CNTN4: variants seen among roughly 807,000 people sequenced by gnomAD.
CNTN4 encodes contactin 4, also known as contactin-4.
CNTN4 carries 77 observed loss-of-function variants against 122.5 expected under a neutral mutation model. The observed-to-expected ratio is 0.63, with a 90% confidence interval of 0.52 to 0.76. The LOEUF (loss-of-function observed/expected upper bound fraction) is 0.76, where lower values mean the gene tolerates loss of function less well. Among genes scored for constraint, CNTN4 ranks in the 30% least tolerant of loss-of-function variants. The pLI, the probability that CNTN4 is intolerant of heterozygous loss-of-function variation, is 0.00. For missense variants in CNTN4, 1,256 were observed against 1,259.1 expected, an observed-to-expected ratio of 1.00 and a Z score of 0.04; for synonymous variants, 512 against 447.0, an observed-to-expected ratio of 1.15 and a Z score of -1.83.
intron 4 of CNTN4, among the ~76,000 whole-genome samples, chr3:2,719,542 C>A (rs1379917176): frequency 1.3e-5 from 2 of 152,136 alleles, no homozygotes; most frequent in Non-Finnish European, 2.9e-5. Flanking sequence ...CCTGCCTCGG[C>A]CTCCCACAGT....
chr3:2,941,705 A>G (rs559885372), intron 13 of CNTN4, among the ~76,000 whole-genome samples: 121 of 152,212 alleles, frequency 7.9e-4, no homozygotes, highest in Non-Finnish European at 1.4e-3. Flanking sequence ...CTCCCTTCCA[A>G]TGTGTTCTCT....
intron 3 of CNTN4, among the ~76,000 whole-genome samples, chr3:2,415,660 T>G (rs1266699035): frequency 6.6e-6 from 1 of 152,216 alleles, no homozygotes; most frequent in Admixed American, 6.5e-5. Context: ...CTAATTTCCT[T>G]TGCCTTTTCC....
At chr3:2,824,387 G>T (rs1028887021) in intron 7 of CNTN4, among the ~76,000 whole-genome samples, 1 of 152,012 alleles carries the variant, frequency 6.6e-6, no homozygotes, top group Non-Finnish European at 1.5e-5. Flanking sequence ...AACTCAGGAG[G>T]TGGAGGTTGC....
intron 2 of CNTN4, among the ~76,000 whole-genome samples, chr3:2,320,032 G>T (rs1425693397): frequency 1.3e-5 from 2 of 152,158 alleles, no homozygotes; most frequent in Non-Finnish European, 2.9e-5. Context: ...TCTACAATCT[G>T]TCAGAGTTGG....
At chr3:2,483,544 A>T (rs2076064944) in intron 3 of CNTN4, among the ~76,000 whole-genome samples, 1 of 152,132 alleles carries the variant, frequency 6.6e-6, no homozygotes, top group African/African-American at 2.4e-5. Context: ...TTTCCACCCA[A>T]ACTTCATCTT....
intron 2 of CNTN4, among the ~76,000 whole-genome samples, chr3:2,225,515 A>G (rs1050442292): frequency 1.2e-4 from 18 of 152,080 alleles, no homozygotes; most frequent in African/African-American, 4.3e-4. Flanking sequence ...CTCCATTTCA[A>G]AAAACAAACA....
chr3:2,318,989 A>T (rs1268243230), intron 2 of CNTN4, among the ~76,000 whole-genome samples: 1 of 152,026 alleles, frequency 6.6e-6, no homozygotes, highest in East Asian at 1.9e-4. Flanking sequence ...CTAGCTGTTT[A>T]TTTTACGGAG....
chr3:2,650,288 A>G (rs1451551201), intron 4 of CNTN4, among the ~76,000 whole-genome samples: 1 of 152,084 alleles, frequency 6.6e-6, no homozygotes, highest in East Asian at 1.9e-4. Context: ...GAGCCCAGAG[A>G]GAGAAGTGAT....
chr3:3,011,346 A>C (rs1174996551), intron 14 of CNTN4, among the ~76,000 whole-genome samples: 2 of 152,102 alleles, frequency 1.3e-5, no homozygotes, highest in Non-Finnish European at 2.9e-5. Flanking sequence ...TTAGTTATTC[A>C]CCGGTTATTA....
At chr3:2,170,728 A>C (rs562355886) in intron 2 of CNTN4, among the ~76,000 whole-genome samples, 1 of 152,312 alleles carries the variant, frequency 6.6e-6, no homozygotes, top group South Asian at 2.1e-4. Flanking sequence ...ACTTTACTAG[A>C]TATAAATATG....
intron 3 of CNTN4, among the ~76,000 whole-genome samples, chr3:2,525,590 A>G (rs1388508541): frequency 5.3e-5 from 8 of 152,136 alleles, no homozygotes; most frequent in Non-Finnish European, 1.2e-4. Context: ...ACAAGGTGTA[A>G]AAATACAGTA....
chr3:2,171,916 G>A (rs2036533095), intron 2 of CNTN4, among the ~76,000 whole-genome samples: 3 of 152,152 alleles, frequency 2.0e-5, no homozygotes, highest in Admixed American at 1.3e-4. Flanking sequence ...TGGAACAGGA[G>A]CACCTAGGAA....
intron 13 of CNTN4, among the ~76,000 whole-genome samples, chr3:2,957,350 T>C (rs1315156130): frequency 6.6e-6 from 1 of 152,150 alleles, no homozygotes; most frequent in Admixed American, 6.6e-5. Context: ...TGAGAAGATA[T>C]CTTATTGTGG....
chr3:2,578,318 T>C (rs1268861962), intron 4 of CNTN4, among the ~76,000 whole-genome samples: 1 of 152,152 alleles, frequency 6.6e-6, no homozygotes, highest in Non-Finnish European at 1.5e-5. Flanking sequence ...CAGTATTTGT[T>C]AATGTTGATG....
At chr3:2,899,882 C>T (rs1277975693) in intron 10 of CNTN4, among the ~76,000 whole-genome samples, 1 of 152,058 alleles carries the variant, frequency 6.6e-6, no homozygotes, top group Non-Finnish European at 1.5e-5. Context: ...TGATGATAGT[C>T]TTAAAGGAGA....
At chr3:2,455,578 A>G (rs1175543231) in intron 3 of CNTN4, among the ~76,000 whole-genome samples, 1 of 152,098 alleles carries the variant, frequency 6.6e-6, no homozygotes, top group Non-Finnish European at 1.5e-5. Context: ...GTGGATCAGA[A>G]GAAGGAGGAC....
chr3:2,363,702 A>G (rs1353049600), intron 3 of CNTN4, among the ~76,000 whole-genome samples: 1 of 152,170 alleles, frequency 6.6e-6, no homozygotes, highest in Non-Finnish European at 1.5e-5. Context: ...ACCAAAGTCT[A>G]ACATCTTTCC....
intron 3 of CNTN4, among the ~76,000 whole-genome samples, chr3:2,543,984 A>G (rs565838871): frequency 6.6e-6 from 1 of 152,220 alleles, no homozygotes; most frequent in South Asian, 2.1e-4. Flanking sequence ...TATTTTGGAT[A>G]TATCTGTCCT....
chr3:2,574,009 G>A (rs1376653133), intron 4 of CNTN4, among the ~76,000 whole-genome samples: 1 of 152,112 alleles, frequency 6.6e-6, no homozygotes, highest in African/African-American at 2.4e-5. Flanking sequence ...CTGAGGTCAG[G>A]AGTTAGAGAC....
Sources: allele counts gnomAD v4.1 joint callset (sites outside exome capture counted in the v4.1 genomes callset), GRCh38; gene constraint gnomAD v4.1.1; transcripts MANE v1.5; gene names NCBI Gene and HGNC (gene_info 2026-07-23, HGNC 2026-07-21).